SPOCK1: variants seen among roughly 807,000 people sequenced by gnomAD.
SPOCK1 encodes SPARC (osteonectin), cwcv and kazal like domains proteoglycan 1.
Under a neutral mutation model 55.3 loss-of-function variants are expected in SPOCK1, and 23 were observed. The ratio of observed to expected loss-of-function variants is 0.42; its 90% CI spans 0.30 to 0.59. The LOEUF (loss-of-function observed/expected upper bound fraction) is 0.59. SPOCK1 is among the 20% of genes least tolerant of loss of function. The pLI, the probability that SPOCK1 is intolerant of heterozygous loss-of-function variation, is 0.22. For synonymous variants in SPOCK1, 226 were observed against 221.0 expected (o/e 1.02, Z -0.20); for missense variants, 499 against 552.5 (o/e 0.90, Z 0.97).
At chr5:137,424,891 G>T (rs1330590928) in intron 2 of SPOCK1, among the ~76,000 whole-genome samples, 4 of 152,110 alleles carry the variant, frequency 2.6e-5, no homozygotes, top group Non-Finnish European at 2.9e-5. Flanking sequence ...TCTTGATGGT[G>T]GTGGTATTTA....
intron 2 of SPOCK1, among the ~76,000 whole-genome samples, chr5:137,357,225 C>T (rs572990847): frequency 1.2e-4 from 19 of 152,118 alleles, no homozygotes; most frequent in Non-Finnish European, 2.5e-4. Flanking sequence ...TCTTAGGCCA[C>T]CGTGCTAACT....
At chr5:137,016,668 T>C (rs1356779961) in intron 6 of SPOCK1, among the ~76,000 whole-genome samples, 1 of 152,120 alleles carries the variant, frequency 6.6e-6, no homozygotes, top group Non-Finnish European at 1.5e-5. Flanking sequence ...AGGGACGGGG[T>C]ATATTTTTCT....
At chr5:137,204,180 C>T (rs576663416) in intron 3 of SPOCK1, among the ~76,000 whole-genome samples, 2 of 152,290 alleles carry the variant, frequency 1.3e-5, no homozygotes, top group Admixed American at 1.3e-4. Context: ...CAATATCATG[C>T]CTACAAAGTC....
chr5:137,388,960 T>C (rs190955360), intron 2 of SPOCK1, among the ~76,000 whole-genome samples: 106 of 152,274 alleles, frequency 7.0e-4, no homozygotes, highest in African/African-American at 2.5e-3. Context: ...TTGCACAAAC[T>C]GGCATAATTT....
intron 5 of SPOCK1, 40 bp from the exon 6 acceptor site, chr5:137,067,869 A>ATGGCCGGGCGCGGTGGCTCACGCCTG: frequency 6.5e-7 from 1 of 1,542,760 alleles, no homozygotes; most frequent in Non-Finnish European, 9.0e-7. Flanking sequence ...GAATGCAGCC[A>ATGGCCGGGCGCGGTGGCTCACGCCTG]TAACAGACCC....
rs1025846536 is a variant in SPOCK1 at position 137,119,975 on chromosome 5, T to A, written c.348-7414A>T. Among the ~76,000 whole-genome samples, 4 of 152,058 alleles carry A rather than the reference T, an allele frequency of 2.6e-5. No homozygotes were observed. In the East Asian group the frequency reaches 7.7e-4, roughly 29 times the overall value. ...AAAGTCAAGGAAGAGCAAGAGAATCTGTTAGGGAGGTGGTGAGTTGGGGAG... is the reference window on the plus strand; with the variant it reads ...AAAGTCAAGGAAGAGCAAGAGAATCAGTTAGGGAGGTGGTGAGTTGGGGAG... On this transcript the variant is annotated intron_variant, in intron 4 of 10. Coordinates refer to ENST00000394945, the MANE Select transcript of SPOCK1 (RefSeq NM_004598.4).
intron 3 of SPOCK1, among the ~76,000 whole-genome samples, chr5:137,151,406 C>T (rs1754316854): frequency 6.6e-6 from 1 of 152,092 alleles, no homozygotes; most frequent in Middle Eastern, 3.2e-3. Flanking sequence ...GGATTCTGCC[C>T]CCGAACCTCA....
chr5:137,235,040 T>G (rs1756150681), intron 3 of SPOCK1, among the ~76,000 whole-genome samples: 1 of 152,188 alleles, frequency 6.6e-6, no homozygotes, highest in Admixed American at 6.5e-5. Flanking sequence ...ACCAAGTGCA[T>G]GCTTTGTGTC....
rs557251215 is a variant in SPOCK1, at chr5:137,313,607, T to G, written c.187-46552A>C. 5 of 381,458 alleles carry G rather than the reference T, an allele frequency of 1.3e-5. No homozygotes were observed. The East Asian group carries it at 8.2e-4, about 63-fold the overall frequency. 23.6% of individuals were successfully genotyped at this position (381,458 alleles called of 1,614,324 possible). ...CCCATTCTTCTAAGCTCCCAGAACA[T>G]ATTGCTACTTTGCACAAATATAGAT... On this transcript the variant is annotated intron_variant, in intron 2 of 10. Coordinates refer to ENST00000394945, the MANE Select transcript of SPOCK1 (RefSeq NM_004598.4).
At chr5:137,074,280 G>A (rs779411475) in intron 5 of SPOCK1, among the ~76,000 whole-genome samples, 1 of 152,168 alleles carries the variant, frequency 6.6e-6, no homozygotes, top group Non-Finnish European at 1.5e-5. Flanking sequence ...AACATTTGGG[G>A]AAGAATTTCT....
chr5:137,130,651 T>C (rs1753857104), intron 4 of SPOCK1, among the ~76,000 whole-genome samples: 1 of 152,234 alleles, frequency 6.6e-6, no homozygotes, highest in Non-Finnish European at 1.5e-5. Context: ...TTCCTCACAG[T>C]GATGGAAAGT....
At chr5:137,103,062 C>T (rs1217129025) in intron 5 of SPOCK1, among the ~76,000 whole-genome samples, 3 of 152,122 alleles carry the variant, frequency 2.0e-5, no homozygotes, top group Non-Finnish European at 4.4e-5. Flanking sequence ...GTGATCTCCA[C>T]TCACTGCAAC....
At chr5:137,437,321 G>A (rs1752886366) in intron 2 of SPOCK1, among the ~76,000 whole-genome samples, 1 of 152,196 alleles carries the variant, frequency 6.6e-6, no homozygotes, top group Non-Finnish European at 1.5e-5. Flanking sequence ...CTGAATCCCT[G>A]TAGAGGAGCA....
At chr5:137,124,773 G>A (rs1213901038) in intron 4 of SPOCK1, among the ~76,000 whole-genome samples, 1 of 152,198 alleles carries the variant, frequency 6.6e-6, no homozygotes, top group African/African-American at 2.4e-5. Flanking sequence ...TCACCACCAA[G>A]GCCAAGCCTG....
chr5:137,373,657 G>A (rs1229701), intron 2 of SPOCK1, among the ~76,000 whole-genome samples: 32,380 of 152,092 alleles, frequency 0.21, 3,532 homozygotes, highest in South Asian at 0.27. Flanking sequence ...ATGTGTACTC[G>A]GCAGCATGCT....
chr5:137,368,768 C>A (rs957070891), intron 2 of SPOCK1, among the ~76,000 whole-genome samples: 1 of 152,214 alleles, frequency 6.6e-6, no homozygotes, highest in Non-Finnish European at 1.5e-5. Context: ...TCCACATCTC[C>A]CATGTGTCTC....
chr5:137,127,423 C>T (rs1753799436), intron 4 of SPOCK1, among the ~76,000 whole-genome samples: 1 of 152,226 alleles, frequency 6.6e-6, no homozygotes, highest in Non-Finnish European at 1.5e-5. Flanking sequence ...CTGCCTGGAG[C>T]CATCAGGGGC....
intron 6 of SPOCK1, among the ~76,000 whole-genome samples, chr5:137,041,488 T>G (rs1032660027): frequency 6.6e-6 from 1 of 152,060 alleles, no homozygotes; most frequent in African/African-American, 2.4e-5. Context: ...AATTAAAAAC[T>G]TATACTCTGT....
chr5:137,141,216 C>A (rs1561624729), intron 3 of SPOCK1, among the ~76,000 whole-genome samples: 1 of 152,186 alleles, frequency 6.6e-6, no homozygotes, highest in Admixed American at 6.5e-5. Context: ...ATCAGGGGAG[C>A]AATTCCTTTG....
Sources: allele counts gnomAD v4.1 joint callset (sites outside exome capture counted in the v4.1 genomes callset), GRCh38; gene constraint gnomAD v4.1.1; transcripts MANE v1.5; gene names NCBI Gene and HGNC (gene_info 2026-07-23, HGNC 2026-07-21).